SLC44A5: variants seen among roughly 807,000 people sequenced by gnomAD.
SLC44A5 encodes the protein solute carrier family 44 member 5, also known as choline transporter-like protein 5.
Under a neutral mutation model 101.8 loss-of-function variants are expected in SLC44A5, and 57 were observed. That is an observed-to-expected ratio of 0.56 (90% CI 0.45 to 0.70). The LOEUF (loss-of-function observed/expected upper bound fraction) is 0.70, where lower values mean the gene tolerates loss of function less well. Among genes scored for constraint, SLC44A5 ranks in the 30% least tolerant of loss-of-function variants. The pLI, the probability that SLC44A5 is intolerant of heterozygous loss-of-function variation, is 0.00. For synonymous variants in SLC44A5, 281 were observed against 290.9 expected (o/e 0.97, Z 0.35); for missense variants, 737 against 853.1 (o/e 0.86, Z 1.70).
rs140494244 is a variant in SLC44A5, at chr1:75,458,742, A to G, written c.14-62121T>C. On this transcript the variant is annotated intron_variant, in intron 2 of 23. Transcript: ENST00000370859. ...TTATACTTTGCTTAATTTATAGTAT[A>G]TTTATTAATATTAGTCTATAATCTT... Among the ~76,000 whole-genome samples, 751 of 152,322 alleles carry G rather than the reference A, an allele frequency of 4.9e-3. 11 individuals carry two copies. Among genetic ancestry groups the G allele is most frequent in the African/African-American group, 0.017 (721 of 41,582 alleles).
chr1:75,220,236 ACT>A (rs1647050385), intron 14 of SLC44A5, among the ~76,000 whole-genome samples: 2 of 152,126 alleles, frequency 1.3e-5, no homozygotes, highest in South Asian at 4.1e-4. Context: ...CATGTGTCAC[ACT>A]GAGGGAATTC....
chr1:75,546,696 T>TA (rs1363955119), intron 1 of SLC44A5, among the ~76,000 whole-genome samples: 19 of 152,294 alleles, frequency 1.2e-4, no homozygotes, highest in Admixed American at 9.8e-4. Flanking sequence ...AACTTCTAAC[T>TA]AAAATCGAAG....
rs1341225262 is a variant in SLC44A5 at position 75,214,681 on chromosome 1, G to C, written c.1729-3C>G. 1 of 1,609,728 alleles carries C rather than the reference G, an allele frequency of 6.2e-7. No homozygotes were observed. Among genetic ancestry groups the C allele is most frequent in the Admixed American group, 1.7e-5 (1 of 59,612 alleles). On this transcript the variant is annotated splice_polypyrimidine_tract_variant and splice_region_variant and intron_variant, in intron 19 of 23. Coordinates refer to ENST00000370859, the MANE Select transcript of SLC44A5 (RefSeq NM_001130058.2). Reference sequence around the variant, plus strand: ...AAGTTTCTGCCATATATTGCAATCTGAGGAAGACAGTGGCTATTATTCTGG... The same window carrying C: ...AAGTTTCTGCCATATATTGCAATCTCAGGAAGACAGTGGCTATTATTCTGG...
chr1:75,581,671 T>G (rs183136142), intron 1 of SLC44A5, among the ~76,000 whole-genome samples: 1 of 152,254 alleles, frequency 6.6e-6, no homozygotes, highest in Non-Finnish European at 1.5e-5. Context: ...GTGTTGGAGG[T>G]GGGGCCTAAT....
intron 3 of SLC44A5, among the ~76,000 whole-genome samples, chr1:75,371,231 T>C (rs916590701): frequency 6.6e-6 from 1 of 152,226 alleles, no homozygotes; most frequent in African/African-American, 2.4e-5. Context: ...AAAAACAAGA[T>C]ATAAAGTATT....
the SLC44A5 span, among the ~76,000 whole-genome samples, chr1:75,694,491 T>G: frequency 1.3e-5 from 2 of 152,112 alleles, no homozygotes; most frequent in African/African-American, 4.8e-5. Context: ...TATTTCTCCT[T>G]GTTGTTACAT....
chr1:75,406,240 A>C (rs961082451), intron 2 of SLC44A5, among the ~76,000 whole-genome samples: 1 of 152,200 alleles, frequency 6.6e-6, no homozygotes, highest in Non-Finnish European at 1.5e-5. Context: ...AACCAAAAAA[A>C]GCCCAAGACC....
chr1:75,226,246 A>ATT (rs564706367), intron 13 of SLC44A5, among the ~76,000 whole-genome samples: 1 of 148,288 alleles, frequency 6.7e-6, no homozygotes, highest in African/African-American at 2.5e-5. Flanking sequence ...TTGATACAGT[A>ATT]TTTTTTTTTT....
intron 18 of SLC44A5, 59 bp downstream of exon 18, chr1:75,217,806 TC>T: frequency 1.9e-6 from 2 of 1,078,082 alleles, no homozygotes; most frequent in Non-Finnish European, 2.9e-6. Context: ...TCATCAGGTC[TC>T]CCCCAACCCC....
chr1:75,525,918 T>C (rs2101905609), intron 2 of SLC44A5, among the ~76,000 whole-genome samples: 1 of 152,356 alleles, frequency 6.6e-6, no homozygotes, highest in East Asian at 1.9e-4. Flanking sequence ...AGCGTTCATA[T>C]TGTACTATTC....
At chr1:75,477,129 T>C (rs1375929336) in intron 2 of SLC44A5, among the ~76,000 whole-genome samples, 1 of 152,218 alleles carries the variant, frequency 6.6e-6, no homozygotes. Context: ...CCGCTGCTGG[T>C]ACCCAGGCAA....
At chr1:75,544,672 C>T (rs896887054) in intron 1 of SLC44A5, among the ~76,000 whole-genome samples, 16 of 152,272 alleles carry the variant, frequency 1.1e-4, no homozygotes, top group East Asian at 1.9e-4. Context: ...TTAACATTTA[C>T]GCAATACTGT....
At chr1:75,547,270 A>G (rs909631578) in intron 1 of SLC44A5, among the ~76,000 whole-genome samples, 1 of 152,212 alleles carries the variant, frequency 6.6e-6, no homozygotes, top group African/African-American at 2.4e-5. Context: ...CACCATAGCC[A>G]TCTGCATTGG....
intron 2 of SLC44A5, among the ~76,000 whole-genome samples, chr1:75,398,072 G>A (rs1232474206): frequency 6.6e-6 from 1 of 152,082 alleles, no homozygotes; most frequent in Non-Finnish European, 1.5e-5. Context: ...CACCTGAGAG[G>A]TAGAATAAAA....
intron 13 of SLC44A5, among the ~76,000 whole-genome samples, chr1:75,224,027 C>T (rs1465139564): frequency 6.6e-6 from 1 of 152,188 alleles, no homozygotes; most frequent in Non-Finnish European, 1.5e-5. Flanking sequence ...AAAATAATTA[C>T]ATTAGAGAAA....
At chr1:75,330,992 C>T (rs1348053569) in intron 4 of SLC44A5, among the ~76,000 whole-genome samples, 1 of 140,552 alleles carries the variant, frequency 7.1e-6, no homozygotes, top group East Asian at 2.2e-4. Context: ...TTGGCTTCTA[C>T]AACATCTGAT....
intron 2 of SLC44A5, among the ~76,000 whole-genome samples, chr1:75,432,328 A>AAC (rs1664661479): frequency 6.6e-6 from 1 of 152,184 alleles, no homozygotes; most frequent in Non-Finnish European, 1.5e-5. Flanking sequence ...AGCCCCTGCA[A>AAC]ACATTTTCTG....
At chr1:75,694,004 T>C in the SLC44A5 span, among the ~76,000 whole-genome samples, 5 of 151,514 alleles carry the variant, frequency 3.3e-5, no homozygotes, top group Non-Finnish European at 5.9e-5. Flanking sequence ...AGTTTTGCTG[T>C]GAAGAGCAAT....
chr1:75,556,930 A>T lies in SLC44A5; in HGVS notation c.-69-15414T>A, dbSNP rs148628564. On this transcript the variant is annotated intron_variant, in intron 1 of 23. Coordinates refer to ENST00000370859, the MANE Select transcript of SLC44A5 (RefSeq NM_001130058.2). ...ATAGCCAAGACTTCACCACTACACA[A>T]TATATATGAAAAAGTGAAGAGAAAG... Among the ~76,000 whole-genome samples the T allele has an allele frequency of 5.1e-3, 783 of 152,180 alleles. 4 individuals carry two copies. Among genetic ancestry groups the T allele is most frequent in the Non-Finnish European group, 7.7e-3 (526 of 67,978 alleles).
Sources: allele counts gnomAD v4.1 joint callset (sites outside exome capture counted in the v4.1 genomes callset), GRCh38; gene constraint gnomAD v4.1.1; transcripts MANE v1.5; gene names NCBI Gene and HGNC (gene_info 2026-07-23, HGNC 2026-07-21).